Variants in CACFD1 observed in about 807,000 individuals in gnomAD.
CACFD1 encodes calcium channel flower homolog.
CACFD1 carries 26 observed loss-of-function variants against 21.3 expected under a neutral mutation model. That is an observed-to-expected ratio of 1.22 (90% confidence interval 0.89 to 1.69). The LOEUF is 1.69. Ranked by LOEUF, CACFD1 falls within the 40% of genes most tolerant of loss-of-function variation. The pLI is 0.00. For synonymous variants in CACFD1, 121 were observed against 106.6 expected, an observed-to-expected ratio of 1.13 and a Z score of -0.83; for missense variants, 265 against 236.2, an observed-to-expected ratio of 1.12 and a Z score of -0.80.
chr9:133,460,122 A>G lies in CACFD1; in HGVS notation c.56A>G (p.Gln19Arg), dbSNP rs1554797929. ...GASASSAPPA[Q>R]EEGMTWWYRW... ...TCCGCCAGCTCTGCGCCGCCCGCGCAGGAAGAGGGCATGACGTGGTGGTAC... is the reference window on the plus strand; with the variant it reads ...TCCGCCAGCTCTGCGCCGCCCGCGCGGGAAGAGGGCATGACGTGGTGGTAC... The change falls in exon 1 of 5, where the codon CAG becomes CGG. Residue 19 changes from glutamine to arginine, a missense_variant. Physicochemically the swap from Gln to Arg is conservative, Grantham distance 43 (BLOSUM62 1). Transcript: ENST00000316948. 6.4e-7 allele frequency: 1 copy of G among 1,562,924 alleles called. No individual in the cohort carries two copies. The highest frequency in any genetic ancestry group is 1.2e-5 in the South Asian group (1 of 85,648).
chr9:133,465,727 G>T lies in CACFD1; in HGVS notation c.320+280G>T. 2.7e-6 allele frequency: 1 copy of T among 368,014 alleles called. No homozygotes were observed. The highest frequency in any genetic ancestry group is 3.7e-5 in the South Asian group (1 of 26,808). 22.8% of individuals were successfully genotyped at this position (368,014 alleles called of 1,614,324 possible). On this transcript the variant is annotated intron_variant, in intron 3 of 4. Coordinates refer to ENST00000316948, the MANE Select transcript of CACFD1 (RefSeq NM_017586.5). The surrounding 1 kb of genome is among the most constrained non-coding windows in gnomAD (Gnocchi z 5.0). ...CATCCGTGCAGTGGAGAGAAAGTGG[G>T]AAGCGTCTGGAATTTTGGTCCGTCC...
In CACFD1 at chr9:133,465,608, C is replaced by A; in HGVS notation, c.320+161C>A. ...TGCACAGTGATTTGCTCATAGCTGCCAAAACGTGCCCCAGTGGTTCTGCGC... is the reference window on the plus strand; with the variant it reads ...TGCACAGTGATTTGCTCATAGCTGCAAAAACGTGCCCCAGTGGTTCTGCGC... On this transcript the variant is annotated intron_variant, in intron 3 of 4. Transcript: ENST00000316948. This position sits in a 1 kb window ranked among gnomAD's most constrained non-coding sequence, Gnocchi z 5.0. 1.4e-6 allele frequency: 1 copy of A among 722,514 alleles called. No individual in the cohort carries two copies. The highest frequency in any genetic ancestry group is 2.2e-6 in the Non-Finnish European group (1 of 447,686). 44.8% of individuals were successfully genotyped at this position (722,514 alleles called of 1,614,324 possible). A position where few individuals can be genotyped will look rare whatever the true frequency, so the allele number is the denominator to read the frequency against.
intron 1 of CACFD1, among the ~76,000 whole-genome samples, chr9:133,460,480 C>CGGGGGT (rs951226862): frequency 1.3e-5 from 1 of 76,536 alleles, no homozygotes; most frequent in Non-Finnish European, 2.8e-5. Flanking sequence ...GCGGCGGGGG[C>CGGGGGT]GGGGGTGGGG....
Position 133,463,466 on chromosome 9 carries a change from G to A in CACFD1, c.122-17G>A, listed in dbSNP as rs369694382. 2.5e-5 allele frequency: 40 copies of A among 1,613,786 alleles called. No individual in the cohort carries two copies. The highest frequency in any genetic ancestry group is 9.3e-5 in the African/African-American group (7 of 74,950). On this transcript the variant is annotated splice_polypyrimidine_tract_variant and intron_variant, in intron 1 of 4. Transcript: ENST00000316948. The stretch of plus-strand genomic sequence containing the variant: ...CCTGCCTCCCTGCTGACTCCTGCCC[G>A]TGTCTCTTGTTTCAAGCTTGCGCGA...
rs1554797859 is a variant in CACFD1, at chr9:133,460,045, A to G, written c.-22A>G. On this transcript the variant is annotated 5_prime_UTR_variant, in exon 1 of 5. Coordinates refer to ENST00000316948, the MANE Select transcript of CACFD1 (RefSeq NM_017586.5). ...TACCGAGCCCTTTGTGAGGGCTGTG[A>G]GCTGCGCCTGACGGTGGCACCATGA... is the stretch of plus-strand genomic sequence containing the variant. 1 of 1,545,686 alleles carries G rather than the reference A, an allele frequency of 6.5e-7. No individual in the cohort carries two copies. Among genetic ancestry groups the G allele is most frequent in the Non-Finnish European group, 8.7e-7 (1 of 1,146,830 alleles).
chr9:133,465,295 G>A lies in CACFD1; in HGVS notation c.195-27G>A. 6.2e-7 allele frequency: 1 copy of A among 1,613,122 alleles called. No individual in the cohort carries two copies. The highest frequency in any genetic ancestry group is 8.5e-7 in the Non-Finnish European group (1 of 1,179,898). The stretch of plus-strand genomic sequence containing the variant: ...CATCCTCCTGGGATTGTCAGTCGCT[G>A]CTCTTCTCCTGCCCTGGTCCCTGCA... On this transcript the variant is annotated intron_variant, in intron 2 of 4. Transcript: ENST00000316948. The surrounding 1 kb of genome is among the most constrained non-coding windows in gnomAD (Gnocchi z 5.0).
chr9:133,468,090 C>T (rs1843515716), intron 4 of CACFD1, 62 bp downstream of exon 4: 2 of 1,389,598 alleles, frequency 1.4e-6, no homozygotes, highest in East Asian at 2.3e-5. Context: ...CGAAGTCCTT[C>T]AGTGAGGAGG....
chr9:133,467,542 G>A (rs781905660), intron 3 of CACFD1, among the ~76,000 whole-genome samples: 17 of 152,348 alleles, frequency 1.1e-4, no homozygotes, highest in East Asian at 1.9e-4. Context: ...CCTCTCCGCG[G>A]TGGAGATTCC....
chr9:133,460,256 C>T, intron 1 of CACFD1, 69 bp downstream of exon 1: 1 of 1,357,178 alleles, frequency 7.4e-7, no homozygotes, highest in Non-Finnish European at 9.6e-7. Context: ...CCTGCCCCGC[C>T]CCGCCCCGGC....
intron 3 of CACFD1, among the ~76,000 whole-genome samples, chr9:133,466,685 A>T (rs151176669): frequency 6.6e-6 from 1 of 152,302 alleles, no homozygotes; most frequent in African/African-American, 2.4e-5. Context: ...ATATTTTAAG[A>T]TGCGTGGCTA....
chr9:133,460,270 C>T (rs1843090517), intron 1 of CACFD1, 83 bp downstream of exon 1: 1 of 1,301,252 alleles, frequency 7.7e-7, no homozygotes, highest in Non-Finnish European at 9.9e-7. Context: ...CCCCGGCGGC[C>T]CCAGGGGAAA....
At position 133,465,477 on chromosome 9, in the gene CACFD1, C is replaced by T; in HGVS notation, c.320+30C>T. ...GGGGTTGCTGGGCAGGGTCCCGTGACACAGTTCCCCAAAACCCCACTGACA... is the reference window on the plus strand; with the variant it reads ...GGGGTTGCTGGGCAGGGTCCCGTGATACAGTTCCCCAAAACCCCACTGACA... On this transcript the variant is annotated intron_variant, in intron 3 of 4. Coordinates refer to ENST00000316948, the MANE Select transcript of CACFD1 (RefSeq NM_017586.5). The surrounding 1 kb of genome is among the most constrained non-coding windows in gnomAD (Gnocchi z 5.0). 6 of 1,581,578 alleles carry T rather than the reference C, an allele frequency of 3.8e-6. No individual in the cohort carries two copies. The highest frequency in any genetic ancestry group is 5.2e-6 in the Non-Finnish European group (6 of 1,162,576).
chr9:133,462,934 G>A (rs1483193436), intron 1 of CACFD1, among the ~76,000 whole-genome samples: 3 of 152,240 alleles, frequency 2.0e-5, no homozygotes, highest in Non-Finnish European at 2.9e-5. Flanking sequence ...TGGTGAGGAA[G>A]TTAGAGCTGG....
rs1554797827 is a variant in CACFD1, at chr9:133,460,020, T to C, written c.-47T>C. 6.7e-7 allele frequency: 1 copy of C among 1,490,016 alleles called. No individual in the cohort carries two copies. The highest frequency in any genetic ancestry group is 8.9e-7 in the Non-Finnish European group (1 of 1,120,548). The allele number at this position is 1,490,016 out of a possible 1,614,324, so 92.3% of individuals were successfully genotyped here. A position where few individuals can be genotyped will look rare whatever the true frequency, so the allele number is the denominator to read the frequency against. On this transcript the variant is annotated 5_prime_UTR_variant, in exon 1 of 5. Coordinates refer to ENST00000316948, the MANE Select transcript of CACFD1 (RefSeq NM_017586.5). The stretch of plus-strand genomic sequence containing the variant: ...GCGCGCCGGCTCGGACGCGGCCGGC[T>C]ACCGAGCCCTTTGTGAGGGCTGTGA...
At position 133,469,294 on chromosome 9, in the gene CACFD1, G is replaced by A. The variant is rs142538394; in HGVS notation, c.*641G>A. On this transcript the variant is annotated 3_prime_UTR_variant, in exon 5 of 5. Transcript: ENST00000316948. Reference sequence around the variant, plus strand: ...TGGACAGGCCACCTCAAGGCCCCTCGGCTGCCCCTCCTCCCTGGGCCTGCT... The same window carrying A: ...TGGACAGGCCACCTCAAGGCCCCTCAGCTGCCCCTCCTCCCTGGGCCTGCT... The A allele has an allele frequency of 2.7e-3, 416 of 152,478 alleles. No individual in the cohort carries two copies. Among genetic ancestry groups the A allele is most frequent in the African/African-American group, 9.8e-3 (406 of 41,532 alleles). 9.4% of individuals were successfully genotyped at this position (152,478 alleles called of 1,614,324 possible).
At chr9:133,466,501 A>G (rs1438392540) in intron 3 of CACFD1, among the ~76,000 whole-genome samples, 1 of 152,212 alleles carries the variant, frequency 6.6e-6, no homozygotes, top group African/African-American at 2.4e-5. Flanking sequence ...CATTCTTTCA[A>G]TACAGGAATA....
chr9:133,468,074 G>A (rs375329542), intron 4 of CACFD1, 46 bp downstream of exon 4: 229 of 1,481,500 alleles, frequency 1.5e-4, no homozygotes, highest in Middle Eastern at 3.4e-4. Flanking sequence ...TCCTCCCTCC[G>A]CCCCCCGAAG....
chr9:133,464,730 G>A (rs1044540858), intron 2 of CACFD1, among the ~76,000 whole-genome samples: 3 of 152,164 alleles, frequency 2.0e-5, no homozygotes, highest in Non-Finnish European at 4.4e-5. Flanking sequence ...CTGGATGCAA[G>A]GACTTGCTAA....
Position 133,460,143 on chromosome 9 carries a change from G to A in CACFD1, c.77G>A (p.Trp26Ter), listed in dbSNP as rs782455223. 1.9e-6 allele frequency: 3 copies of A among 1,560,236 alleles called. No homozygotes were observed. The highest frequency in any genetic ancestry group is 2.4e-5 in the East Asian group (1 of 41,652). Residue 26 changes from tryptophan (W) to a stop codon, truncating the protein, a stop_gained, in exon 1 of 5, where the codon TGG becomes TAG. Transcript: ENST00000316948. LOFTEE classifies it high-confidence loss of function. The stretch of plus-strand genomic sequence containing the variant: ...GCGCAGGAAGAGGGCATGACGTGGT[G>A]GTACCGCTGGCTGTGTCGCCTGTCT... ...PPAQEEGMTWWYRWLCRLSGV... is the reference protein window; with the variant it reads ...PPAQEEGMTW
Sources: gnomAD v4.1 joint callset for allele counts (sites outside exome capture counted in the v4.1 genomes callset) on GRCh38, gnomAD v4.1.1 for gene constraint, Gnocchi (gnomAD v3.1) non-coding constraint, MANE v1.5 for transcripts, NCBI Gene and HGNC (gene_info 2026-07-23, HGNC 2026-07-21) for gene names.